EXOC6: variants seen among roughly 807,000 people sequenced by gnomAD.
EXOC6 encodes the protein exocyst complex component 6.
Under a neutral mutation model 112.5 loss-of-function variants are expected in EXOC6, and 60 were observed. The ratio of observed to expected loss-of-function variants is 0.53; its 90% CI spans 0.43 to 0.66. The LOEUF (loss-of-function observed/expected upper bound fraction) is 0.66. EXOC6 is among the 30% of genes least tolerant of loss of function. The probability of loss-of-function intolerance (pLI) is 0.00; values close to 1 mark genes in which losing one functional copy is unlikely to be tolerated. For missense variants in EXOC6, 855 were observed against 957.1 expected, an observed-to-expected ratio of 0.89 and a Z score of 1.41; for synonymous variants, 295 against 308.0, an observed-to-expected ratio of 0.96 and a Z score of 0.44.
At chr10:92,910,321 A>T (rs1045321978) in intron 6 of EXOC6, among the ~76,000 whole-genome samples, 2 of 152,250 alleles carry the variant, frequency 1.3e-5, no homozygotes, top group African/African-American at 4.8e-5. Flanking sequence ...TGCTAATGCA[A>T]CAACATGTAT....
At chr10:92,981,818 T>TA (rs1163157962) in intron 18 of EXOC6, among the ~76,000 whole-genome samples, 3 of 151,890 alleles carry the variant, frequency 2.0e-5, no homozygotes, top group Admixed American at 6.6e-5. Flanking sequence ...ATGGACAATT[T>TA]AAAAAAAAGA....
chr10:92,952,029 A>G (rs1853447706), intron 14 of EXOC6, among the ~76,000 whole-genome samples: 1 of 152,208 alleles, frequency 6.6e-6, no homozygotes, highest in Admixed American at 6.5e-5. Context: ...CACCAGAGGT[A>G]TTGGTATGTG....
chr10:93,052,191 CA>C (rs1846327639), intron 20 of EXOC6, among the ~76,000 whole-genome samples: 1 of 152,114 alleles, frequency 6.6e-6, no homozygotes, highest in South Asian at 2.1e-4. Flanking sequence ...TTTAAAAAGG[CA>C]AAAAGTCACT....
intron 18 of EXOC6, 70 bp downstream of exon 18, chr10:92,974,302 G>T: frequency 9.0e-7 from 1 of 1,109,886 alleles, no homozygotes; most frequent in Non-Finnish European, 1.2e-6. Flanking sequence ...TTTAGTTTGA[G>T]GTTTCCTTGC....
chr10:92,892,506 C>T (rs1025530066), intron 1 of EXOC6, among the ~76,000 whole-genome samples: 1 of 152,228 alleles, frequency 6.6e-6, no homozygotes, highest in Non-Finnish European at 1.5e-5. Context: ...TTGCTGACCT[C>T]CTGCCCCTCC....
intron 4 of EXOC6, among the ~76,000 whole-genome samples, chr10:92,895,861 T>A (rs1405124624): frequency 1.4e-5 from 1 of 69,980 alleles, no homozygotes; most frequent in Non-Finnish European, 3.0e-5. Context: ...CACCCGGCCT[T>A]TTTTTTTTTT....
chr10:93,012,781 A>C (rs998225612), intron 19 of EXOC6, among the ~76,000 whole-genome samples: 1 of 152,190 alleles, frequency 6.6e-6, no homozygotes, highest in Admixed American at 6.5e-5. Context: ...CAGAATATCC[A>C]GCACTTTGGG....
At chr10:92,948,167 A>T in intron 13 of EXOC6, 107 bp from the exon 14 acceptor site, 1 of 630,002 alleles carries the variant, frequency 1.6e-6, no homozygotes. Flanking sequence ...TTTAATAGAC[A>T]AGTAAAAACT....
chr10:92,941,014 C>T (rs760026657), intron 13 of EXOC6, among the ~76,000 whole-genome samples, 190 bp downstream of exon 13: 3 of 152,044 alleles, frequency 2.0e-5, no homozygotes, highest in Non-Finnish European at 4.4e-5. Context: ...CAACTGTCAC[C>T]ACCATCCATT....
At chr10:92,965,910 C>T (rs934473553) in intron 17 of EXOC6, among the ~76,000 whole-genome samples, 4 of 152,062 alleles carry the variant, frequency 2.6e-5, no homozygotes, top group Admixed American at 2.0e-4. Flanking sequence ...TATTCCTGCT[C>T]GGGAGTGCTG....
chr10:92,853,065 T>A (rs1332573167), intron 1 of EXOC6, among the ~76,000 whole-genome samples: 1 of 152,162 alleles, frequency 6.6e-6, no homozygotes, highest in African/African-American at 2.4e-5. Flanking sequence ...GTTGTAGGAA[T>A]CAGGTGGATA....
At chr10:92,839,584 T>G (rs868067997) in intron 1 of EXOC6, among the ~76,000 whole-genome samples, 13 of 152,300 alleles carry the variant, frequency 8.5e-5, no homozygotes, top group Admixed American at 3.9e-4. Context: ...TAGAACTTCC[T>G]GCTGTCAGGC....
At chr10:92,927,927 A>C (rs1320698806) in intron 8 of EXOC6, among the ~76,000 whole-genome samples, 1 of 152,172 alleles carries the variant, frequency 6.6e-6, no homozygotes, top group East Asian at 1.9e-4. Flanking sequence ...TGAGAGTGAA[A>C]GAGTAGCAAG....
At chr10:93,044,983 C>T (rs953894503) in intron 20 of EXOC6, among the ~76,000 whole-genome samples, 46 of 152,256 alleles carry the variant, frequency 3.0e-4, no homozygotes, top group African/African-American at 1.1e-3. Context: ...AGCAATTCTC[C>T]TGCCTCAGCC....
intron 7 of EXOC6, among the ~76,000 whole-genome samples, chr10:92,917,388 A>G (rs991802765): frequency 1.3e-5 from 2 of 151,810 alleles, no homozygotes; most frequent in Non-Finnish European, 2.9e-5. Context: ...GTGCTGAAAT[A>G]CTACAAAAAT....
At chr10:92,905,274 A>G (rs1317150062) in intron 5 of EXOC6, among the ~76,000 whole-genome samples, 2 of 152,078 alleles carry the variant, frequency 1.3e-5, no homozygotes, top group Admixed American at 6.6e-5. Context: ...TTGCCTGTCT[A>G]TATGAACTTC....
chr10:92,854,108 A>G (rs1038942467), intron 1 of EXOC6, among the ~76,000 whole-genome samples: 2 of 152,122 alleles, frequency 1.3e-5, no homozygotes, highest in Admixed American at 1.3e-4. Context: ...TCTAGAATGT[A>G]TAAAGGAAGT....
At chr10:92,865,891 TAAGG>T (rs1848151385) in intron 1 of EXOC6, among the ~76,000 whole-genome samples, 2 of 152,188 alleles carry the variant, frequency 1.3e-5, no homozygotes, top group East Asian at 1.9e-4. Context: ...AAGAAAACCA[TAAGG>T]AAGAGAAACT....
At chr10:92,972,967 C>T (rs953072452) in intron 17 of EXOC6, among the ~76,000 whole-genome samples, 1 of 152,170 alleles carries the variant, frequency 6.6e-6, no homozygotes, top group Admixed American at 6.5e-5. Context: ...ACATTTTATT[C>T]CCTAATTTTT....
Sources: allele counts gnomAD v4.1 joint callset (sites outside exome capture counted in the v4.1 genomes callset), GRCh38; gene constraint gnomAD v4.1.1; transcripts MANE v1.5; gene names NCBI Gene and HGNC (gene_info 2026-07-23, HGNC 2026-07-21).